PITPNB: variants seen among roughly 807,000 people sequenced by gnomAD.
PITPNB encodes the protein phosphatidylinositol transfer protein beta, also known as phosphatidylinositol transfer protein beta isoform.
A neutral mutation model predicts 45.9 loss-of-function variants in PITPNB; 16 were observed. The ratio of observed to expected loss-of-function variants is 0.35; its 90% CI spans 0.24 to 0.53. The LOEUF (loss-of-function observed/expected upper bound fraction) is 0.53, where lower values mean the gene tolerates loss of function less well. Ranked by LOEUF, PITPNB falls within the 20% of genes least tolerant of loss-of-function variation. The pLI is 0.93. For missense variants in PITPNB, 188 were observed against 330.5 expected, an observed-to-expected ratio of 0.57 and a Z score of 3.34; for synonymous variants, 112 against 108.9, an observed-to-expected ratio of 1.03 and a Z score of -0.18.
intron 7 of PITPNB, among the ~76,000 whole-genome samples, chr22:27,892,046 T>C (rs1162676026): frequency 1.3e-5 from 2 of 152,112 alleles, no homozygotes; most frequent in Non-Finnish European, 2.9e-5. Context: ...ACAACACAGA[T>C]CCTCCTCACT....
chr22:27,896,482 C>T, intron 6 of PITPNB, 70 bp downstream of exon 6: 1 of 1,016,176 alleles, frequency 9.8e-7, no homozygotes, highest in Non-Finnish European at 1.6e-6. Flanking sequence ...TTGATGATGA[C>T]AAAGTGAACT....
chr22:27,858,899 A>G (rs1439235649), intron 9 of PITPNB, among the ~76,000 whole-genome samples: 2 of 152,226 alleles, frequency 1.3e-5, no homozygotes, highest in African/African-American at 2.4e-5. Context: ...CATTCTTAAC[A>G]TTCACTATGA....
chr22:27,885,455 A>T (rs565673318), intron 7 of PITPNB, among the ~76,000 whole-genome samples: 1 of 152,164 alleles, frequency 6.6e-6, no homozygotes, highest in Non-Finnish European at 1.5e-5. Context: ...CTACAATTTG[A>T]TCTAACCAAA....
intron 7 of PITPNB, among the ~76,000 whole-genome samples, chr22:27,875,290 T>C (rs1452038068): frequency 6.6e-6 from 1 of 152,256 alleles, no homozygotes; most frequent in Non-Finnish European, 1.5e-5. Context: ...CAATATGCAA[T>C]GTGGCATAGC....
At chr22:27,877,677 T>C (rs1292340024) in intron 7 of PITPNB, among the ~76,000 whole-genome samples, 1 of 152,194 alleles carries the variant, frequency 6.6e-6, no homozygotes, top group Non-Finnish European at 1.5e-5. Context: ...AAAATGAAAG[T>C]ACAAAATCTG....
chr22:27,910,628 G>GTTT (rs2146426147), intron 3 of PITPNB: 1 of 185,642 alleles, frequency 5.4e-6, no homozygotes, highest in African/African-American at 2.3e-5. Context: ...ATTGATACAA[G>GTTT]TAATACATCG....
At chr22:27,907,441 A>G (rs1314207205) in intron 3 of PITPNB, among the ~76,000 whole-genome samples, 2 of 152,216 alleles carry the variant, frequency 1.3e-5, no homozygotes, top group African/African-American at 4.8e-5. Context: ...CCCCATAGCC[A>G]TTCCCTCCTC....
At position 27,899,127 on chromosome 22, in the gene PITPNB, G is replaced by A. The variant is rs535684118; in HGVS notation, c.198-1235C>T. Among the ~76,000 whole-genome samples, 14 of 152,278 alleles carry A rather than the reference G, an allele frequency of 9.2e-5. No homozygotes were observed. In the South Asian group the frequency reaches 1.5e-3, roughly 16 times the overall value. ...GAATTCCTATTACCTGCTCTGCAGG[G>A]TTATTAAGAGAATTAAATCAAATAC... On this transcript the variant is annotated intron_variant, in intron 3 of 11. Transcript: ENST00000335272.
At chr22:27,887,403 G>A (rs906749377) in intron 7 of PITPNB, among the ~76,000 whole-genome samples, 1 of 152,200 alleles carries the variant, frequency 6.6e-6, no homozygotes, top group Non-Finnish European at 1.5e-5. Context: ...TCCCAGCTGA[G>A]CTGCAGGGTA....
chr22:27,867,432 T>G (rs1028326116), intron 8 of PITPNB, among the ~76,000 whole-genome samples: 2 of 152,142 alleles, frequency 1.3e-5, no homozygotes, highest in Non-Finnish European at 2.9e-5. Context: ...AAATGTGAGT[T>G]TAAAAAGACT....
At chr22:27,856,662 G>T (rs1266170550) in intron 10 of PITPNB, among the ~76,000 whole-genome samples, 1 of 152,092 alleles carries the variant, frequency 6.6e-6, no homozygotes, top group Non-Finnish European at 1.5e-5. Flanking sequence ...CTGAGAGAAG[G>T]GCTCTTTCCC....
intron 8 of PITPNB, among the ~76,000 whole-genome samples, chr22:27,861,160 G>C (rs1005612612): frequency 3.3e-5 from 5 of 151,672 alleles, no homozygotes; most frequent in Non-Finnish European, 4.4e-5. Context: ...GTGAAATCCC[G>C]TCTCTACTAA....
chr22:27,908,276 C>A (rs1180762245), intron 3 of PITPNB, among the ~76,000 whole-genome samples: 1 of 141,506 alleles, frequency 7.1e-6, no homozygotes, highest in African/African-American at 2.5e-5. Context: ...TTTTAAATCA[C>A]CCATATCCCA....
chr22:27,858,800 C>T (rs1158294984), intron 9 of PITPNB, among the ~76,000 whole-genome samples: 1 of 152,058 alleles, frequency 6.6e-6, no homozygotes, highest in Non-Finnish European at 1.5e-5. Flanking sequence ...CCAACACATT[C>T]CTGCTGGGCC....
chr22:27,918,354 A>G (rs1936148628), intron 1 of PITPNB, among the ~76,000 whole-genome samples: 1 of 152,222 alleles, frequency 6.6e-6, no homozygotes, highest in Non-Finnish European at 1.5e-5. Flanking sequence ...TAGCTGCCCA[A>G]AGGATGCTGA....
In PITPNB at chr22:27,914,814, C is replaced by G. The variant is rs1421191514; in HGVS notation, c.21-467G>C. ...AATAAACGCTTCCAGAAACTGTTCC[C>G]CCACTATTCAATTATTCCTCAAGTT... is the stretch of plus-strand genomic sequence containing the variant. On this transcript the variant is annotated intron_variant, in intron 1 of 11. Coordinates refer to ENST00000335272, the MANE Select transcript of PITPNB (RefSeq NM_012399.5). Among the ~76,000 whole-genome samples the G allele has an allele frequency of 2.6e-5, 4 of 152,130 alleles. No individual in the cohort carries two copies. The East Asian group carries it at 7.7e-4, about 29-fold the overall frequency.
At chr22:27,871,300 T>C (rs908233268) in intron 8 of PITPNB, among the ~76,000 whole-genome samples, 1 of 152,376 alleles carries the variant, frequency 6.6e-6, no homozygotes, top group South Asian at 2.1e-4. Flanking sequence ...AGGAAGGATC[T>C]GAGCCCAAAC....
chr22:27,858,554 T>C, intron 9 of PITPNB, 45 bp from the exon 10 acceptor site: 1 of 1,516,434 alleles, frequency 6.6e-7, no homozygotes, highest in Non-Finnish European at 9.0e-7. Flanking sequence ...GACAAAAACC[T>C]AAGATTAATG....
At chr22:27,861,087 T>C (rs1934316891) in intron 8 of PITPNB, among the ~76,000 whole-genome samples, 1 of 150,480 alleles carries the variant, frequency 6.6e-6, no homozygotes, top group African/African-American at 2.5e-5. Flanking sequence ...TCCCAGCACT[T>C]TGGGAGGCCG....
Sources: allele counts gnomAD v4.1 joint callset (sites outside exome capture counted in the v4.1 genomes callset), GRCh38; gene constraint gnomAD v4.1.1; transcripts MANE v1.5; gene names NCBI Gene and HGNC (gene_info 2026-07-23, HGNC 2026-07-21).